Variants in TNPO1 observed in about 807,000 individuals in gnomAD.
TNPO1 encodes transportin 1, also known as transportin-1.
Under a neutral mutation model 119.5 loss-of-function variants are expected in TNPO1, and 8 were observed. That is an observed-to-expected ratio of 0.07 (90% CI 0.04 to 0.12). TNPO1 has a LOEUF of 0.12. Ranked by LOEUF, TNPO1 falls within the 10% of genes least tolerant of loss-of-function variation. TNPO1 has a pLI of 1.00. For synonymous variants in TNPO1, 362 were observed against 363.0 expected, an observed-to-expected ratio of 1.00 and a Z score of 0.03; for missense variants, 576 against 1,089.8, an observed-to-expected ratio of 0.53 and a Z score of 6.64.
chr5:72,844,823 A>G (rs897534993), intron 1 of TNPO1, among the ~76,000 whole-genome samples: 2 of 152,306 alleles, frequency 1.3e-5, no homozygotes, highest in Middle Eastern at 3.4e-3. Flanking sequence ...AGACTATCCA[A>G]CAAGGAAGAA....
At chr5:72,905,222 A>T in intron 23 of TNPO1, 81 bp from the exon 24 acceptor site, 1 of 1,010,960 alleles carries the variant, frequency 9.9e-7, no homozygotes, top group Non-Finnish European at 1.5e-6. Context: ...TAAAAAAATC[A>T]GCTGTGTTGG....
intron 20 of TNPO1, 126 bp downstream of exon 20, chr5:72,897,277 C>T (rs886838972): frequency 1.1e-5 from 7 of 611,962 alleles, no homozygotes; most frequent in South Asian, 2.4e-5. Context: ...ATTGCTATTT[C>T]GGATTTTCAG....
intron 1 of TNPO1, among the ~76,000 whole-genome samples, chr5:72,828,401 T>G (rs1744299278): frequency 6.6e-6 from 1 of 152,204 alleles, no homozygotes; most frequent in Admixed American, 6.5e-5. Context: ...TAAATTAATT[T>G]TGAACTATAG....
chr5:72,896,959 C>T, intron 19 of TNPO1, 97 bp from the exon 20 acceptor site: 1 of 546,050 alleles, frequency 1.8e-6, no homozygotes, highest in South Asian at 4.3e-5. Context: ...ATTTATATGA[C>T]ATGTCAGAGT....
At chr5:72,881,360 C>T (rs1341671335) in intron 9 of TNPO1, among the ~76,000 whole-genome samples, 3 of 152,148 alleles carry the variant, frequency 2.0e-5, no homozygotes, top group East Asian at 1.9e-4. Context: ...CCGCTCGCCT[C>T]GACCTAATCT....
intron 1 of TNPO1, among the ~76,000 whole-genome samples, chr5:72,821,555 C>CATA (rs1743957455): frequency 6.6e-6 from 1 of 152,032 alleles, no homozygotes; most frequent in Non-Finnish European, 1.5e-5. Flanking sequence ...TTGACTGGAG[C>CATA]ATAGCAGAAC....
chr5:72,837,703 A>G (rs981944549), intron 1 of TNPO1, among the ~76,000 whole-genome samples: 11 of 152,216 alleles, frequency 7.2e-5, no homozygotes, highest in Non-Finnish European at 1.2e-4. Flanking sequence ...TCTCAATGAC[A>G]ATTTTAGTTG....
At chr5:72,863,334 C>T (rs1305586919) in intron 5 of TNPO1, among the ~76,000 whole-genome samples, 4 of 152,120 alleles carry the variant, frequency 2.6e-5, no homozygotes, top group African/African-American at 9.7e-5. Context: ...AAAAAAGAAA[C>T]TATCCGCCAT....
Position 72,912,354 on chromosome 5 carries a change from A to G in TNPO1, c.*3681A>G, listed in dbSNP as rs954006236. Reference sequence around the variant, plus strand: ...GAATTGCTTAAATTGCATATATTGTAAAATAGGATCAGATGTATATTTTAA... The same window carrying G: ...GAATTGCTTAAATTGCATATATTGTGAAATAGGATCAGATGTATATTTTAA... On this transcript the variant is annotated 3_prime_UTR_variant, in exon 25 of 25. Coordinates refer to ENST00000337273, the MANE Select transcript of TNPO1 (RefSeq NM_002270.4). The G allele has an allele frequency of 6.6e-6, 1 of 152,506 alleles. No homozygotes were observed. The highest frequency in any genetic ancestry group is 2.4e-5 in the African/African-American group (1 of 41,450). 9.4% of individuals were successfully genotyped at this position (152,506 alleles called of 1,614,324 possible).
intron 18 of TNPO1, 44 bp downstream of exon 18, chr5:72,893,747 A>C (rs1405350440): frequency 6.6e-7 from 1 of 1,524,352 alleles, no homozygotes; most frequent in East Asian, 2.3e-5. Flanking sequence ...TTTTAAAGTT[A>C]ACATTTACAT....
At chr5:72,874,016 TATA>T (rs941095620) in intron 7 of TNPO1, among the ~76,000 whole-genome samples, 3 of 152,172 alleles carry the variant, frequency 2.0e-5, no homozygotes, top group Non-Finnish European at 4.4e-5. Context: ...TATAAGGAAA[TATA>T]ATCTAAAATA....
intron 6 of TNPO1, among the ~76,000 whole-genome samples, chr5:72,867,142 G>A (rs1187523914): frequency 1.3e-5 from 2 of 149,860 alleles, no homozygotes; most frequent in African/African-American, 4.9e-5. Context: ...CTGTGCTCTA[G>A]CCTGAGTGAT....
chr5:72,856,088 C>T (rs1017284215), intron 4 of TNPO1, among the ~76,000 whole-genome samples, 165 bp downstream of exon 4: 1 of 152,148 alleles, frequency 6.6e-6, no homozygotes, highest in Non-Finnish European at 1.5e-5. Flanking sequence ...ATGGTAAAAG[C>T]GCTCTCATCC....
chr5:72,880,872 ATCTT>A (rs1262510960), intron 9 of TNPO1, among the ~76,000 whole-genome samples: 2 of 152,024 alleles, frequency 1.3e-5, no homozygotes, highest in Non-Finnish European at 2.9e-5. Flanking sequence ...TTCAGGAGAA[ATCTT>A]CACAATTAGA....
At position 72,877,060 on chromosome 5, in the gene TNPO1, A is replaced by G. The variant is rs536713587; in HGVS notation, c.802-168A>G. Reference sequence around the variant, plus strand: ...CAGTGAGCCGAGTTCACGCCACTGCATTCCAGCCTGGGCGACAGAGTGAGA... The same window carrying G: ...CAGTGAGCCGAGTTCACGCCACTGCGTTCCAGCCTGGGCGACAGAGTGAGA... On this transcript the variant is annotated intron_variant, in intron 8 of 24. Transcript: ENST00000337273. Among the ~76,000 whole-genome samples the G allele has an allele frequency of 2.0e-5, 3 of 146,438 alleles. No individual in the cohort carries two copies. In the East Asian group the frequency reaches 6.0e-4, roughly 29 times the overall value.
intron 8 of TNPO1, 40 bp downstream of exon 8, chr5:72,875,777 C>A: frequency 6.4e-7 from 1 of 1,573,152 alleles, no homozygotes. Flanking sequence ...TCATCTTTCC[C>A]CTAAGAGAAA....
intron 20 of TNPO1, among the ~76,000 whole-genome samples, chr5:72,898,399 A>G (rs1749591543): frequency 6.6e-6 from 1 of 152,152 alleles, no homozygotes; most frequent in African/African-American, 2.4e-5. Context: ...GTATGATTAT[A>G]TCCTACATAA....
intron 10 of TNPO1, 63 bp from the exon 11 acceptor site, chr5:72,883,001 C>T (rs535500530): frequency 2.6e-6 from 3 of 1,150,264 alleles, no homozygotes; most frequent in South Asian, 2.6e-5. Context: ...GTTTCTCTTA[C>T]TCATGTACAT....
At chr5:72,899,483 T>C (rs902777965) in intron 20 of TNPO1, among the ~76,000 whole-genome samples, 1 of 152,198 alleles carries the variant, frequency 6.6e-6, no homozygotes, top group African/African-American at 2.4e-5. Context: ...CTACCAAAAA[T>C]TTGGTTTAAA....
Sources: allele counts gnomAD v4.1 joint callset (sites outside exome capture counted in the v4.1 genomes callset), GRCh38; gene constraint gnomAD v4.1.1; transcripts MANE v1.5; gene names NCBI Gene and HGNC (gene_info 2026-07-23, HGNC 2026-07-21).